The following TRAPPC9 variants were observed in gnomAD, a reference collection of about 807,000 sequenced individuals.
TRAPPC9 encodes IKK2 binding protein.
In TRAPPC9, 83 loss-of-function variants were observed where a neutral mutation model predicts 124.0. The observed-to-expected ratio is 0.67, with a 90% confidence interval of 0.56 to 0.80. The LOEUF is 0.80. Among genes scored for constraint, TRAPPC9 ranks in the 30% least tolerant of loss-of-function variants. The pLI is 0.00. For missense variants in TRAPPC9, 1,302 were observed against 1,508.3 expected (o/e 0.86, Z 2.27); for synonymous variants, 638 against 617.5 (o/e 1.03, Z -0.49).
At chr8:140,235,850 T>G (rs565862467) in intron 16 of TRAPPC9, among the ~76,000 whole-genome samples, 2 of 152,214 alleles carry the variant, frequency 1.3e-5, no homozygotes, top group African/African-American at 2.4e-5. Flanking sequence ...CACATGTTCA[T>G]CACAAGTATA....
intron 16 of TRAPPC9, among the ~76,000 whole-genome samples, chr8:140,222,663 C>T (rs1405672687): frequency 2.6e-5 from 4 of 152,152 alleles, no homozygotes; most frequent in East Asian, 1.9e-4. Flanking sequence ...GAAGACCTGG[C>T]GGAATGAATG....
chr8:139,864,689 C>T lies in TRAPPC9; in HGVS notation c.3055+21190G>A, dbSNP rs181975416. 2.2e-4 allele frequency among the ~76,000 whole-genome samples: 33 copies of T among 148,866 alleles called. No homozygotes were observed. The East Asian group carries it at 5.2e-3, about 24-fold the overall frequency. On this transcript the variant is annotated intron_variant, in intron 21 of 22. Transcript: ENST00000438773. ...GTCTGTAGAGCAGACAGCAGCATGC[C>T]GACCGCCAGCAAGCCCTGCAGGGCT... is the stretch of plus-strand genomic sequence containing the variant.
chr8:139,955,889 T>C (rs1363542962), intron 19 of TRAPPC9, among the ~76,000 whole-genome samples: 1 of 152,232 alleles, frequency 6.6e-6, no homozygotes, highest in Non-Finnish European at 1.5e-5. Flanking sequence ...TGGTGTGGTC[T>C]GCCTTGCTGC....
At chr8:139,790,310 A>G (rs1822565611) in intron 21 of TRAPPC9, among the ~76,000 whole-genome samples, 1 of 152,232 alleles carries the variant, frequency 6.6e-6, no homozygotes, top group Non-Finnish European at 1.5e-5. Context: ...TCACATTCAG[A>G]AGTTCCGAGC....
intron 21 of TRAPPC9, among the ~76,000 whole-genome samples, chr8:139,844,319 G>A (rs932671513): frequency 6.6e-6 from 1 of 152,214 alleles, no homozygotes; most frequent in Non-Finnish European, 1.5e-5. Context: ...TCTTGGCAGA[G>A]TGCCTGGCAG....
intron 21 of TRAPPC9, among the ~76,000 whole-genome samples, chr8:139,867,943 A>G (rs906527897): frequency 2.0e-5 from 3 of 152,236 alleles, no homozygotes; most frequent in Admixed American, 6.5e-5. Flanking sequence ...ATCATCATAT[A>G]TCAATATTCA....
intron 16 of TRAPPC9, among the ~76,000 whole-genome samples, chr8:140,230,298 TAAAGATGGTTAAGAAAAA>T (rs2063560336): frequency 6.6e-6 from 1 of 152,032 alleles, no homozygotes; most frequent in South Asian, 2.1e-4. Context: ...TCTTCCCTTC[TAAAGATGGTTAAGAAAAA>T]AAAGAAGTAG....
intron 17 of TRAPPC9, among the ~76,000 whole-genome samples, chr8:140,153,029 T>C (rs1487054436): frequency 6.6e-6 from 1 of 152,228 alleles, no homozygotes; most frequent in East Asian, 1.9e-4. Context: ...TTATCCTTTA[T>C]CCATTTAAGG....
intron 21 of TRAPPC9, among the ~76,000 whole-genome samples, chr8:139,844,341 C>G (rs542895556): frequency 1.3e-5 from 2 of 152,356 alleles, no homozygotes; most frequent in Non-Finnish European, 2.9e-5. Context: ...AGAAGGGGGT[C>G]AAACCAGGGT....
intron 17 of TRAPPC9, among the ~76,000 whole-genome samples, chr8:140,118,226 G>A (rs558992944): frequency 6.6e-5 from 10 of 152,272 alleles, no homozygotes; most frequent in Admixed American, 3.3e-4. Flanking sequence ...CAGACCAGCC[G>A]CCTGGAATGG....
intron 17 of TRAPPC9, among the ~76,000 whole-genome samples, chr8:140,068,557 C>G (rs1440035595): frequency 6.6e-6 from 1 of 152,188 alleles, no homozygotes; most frequent in Admixed American, 6.5e-5. Flanking sequence ...ATTAATATTG[C>G]TCTTCCAAAT....
intron 9 of TRAPPC9, among the ~76,000 whole-genome samples, chr8:140,312,476 G>T (rs2066322322): frequency 6.6e-6 from 1 of 152,110 alleles, no homozygotes; most frequent in Non-Finnish European, 1.5e-5. Context: ...GAATTACTAA[G>T]GATAAATGCG....
chr8:139,826,281 C>A (rs77537801), intron 21 of TRAPPC9, among the ~76,000 whole-genome samples: 1 of 152,136 alleles, frequency 6.6e-6, no homozygotes, highest in Admixed American at 6.5e-5. Flanking sequence ...ATCGGAGGGG[C>A]GCTTCCAGAG....
At chr8:139,979,660 G>C (rs149123761) in intron 19 of TRAPPC9, among the ~76,000 whole-genome samples, 1 of 152,296 alleles carries the variant, frequency 6.6e-6, no homozygotes, top group Non-Finnish European at 1.5e-5. Flanking sequence ...GCAAGAGGGA[G>C]AATCTGAGGT....
intron 19 of TRAPPC9, chr8:139,932,251 T>A (rs916195741): frequency 1.6e-5 from 7 of 448,890 alleles, no homozygotes; most frequent in African/African-American, 1.2e-4. Flanking sequence ...GCCGAGGGAG[T>A]CCCGCACCAC....
chr8:139,982,483 A>G (rs1836975100), intron 19 of TRAPPC9, among the ~76,000 whole-genome samples: 1 of 152,234 alleles, frequency 6.6e-6, no homozygotes, highest in Non-Finnish European at 1.5e-5. Flanking sequence ...TAGAAATACA[A>G]GTTAATACAG....
chr8:140,313,417 A>G (rs1296503186), intron 9 of TRAPPC9, among the ~76,000 whole-genome samples: 1 of 152,222 alleles, frequency 6.6e-6, no homozygotes, highest in Non-Finnish European at 1.5e-5. Flanking sequence ...TAAGCTCTGA[A>G]TGGCATTTCT....
At chr8:140,351,639 TG>T (rs1346122000) in intron 9 of TRAPPC9, among the ~76,000 whole-genome samples, 1 of 152,102 alleles carries the variant, frequency 6.6e-6, no homozygotes, top group African/African-American at 2.4e-5. Flanking sequence ...ACAAACTATA[TG>T]GGAGGATGTG....
chr8:140,441,199 T>G (rs971821192), intron 2 of TRAPPC9, among the ~76,000 whole-genome samples: 1 of 152,070 alleles, frequency 6.6e-6, no homozygotes, highest in African/African-American at 2.4e-5. Flanking sequence ...CAAGCTGGTC[T>G]CGAACTCCTG....
Sources: gnomAD v4.1 joint callset for allele counts (sites outside exome capture counted in the v4.1 genomes callset) on GRCh38, gnomAD v4.1.1 for gene constraint, MANE v1.5 for transcripts, NCBI Gene and HGNC (gene_info 2026-07-23, HGNC 2026-07-21) for gene names.